SPECC1L: variants seen among roughly 807,000 people sequenced by gnomAD.
SPECC1L encodes sperm antigen with calponin homology and coiled-coil domains 1 like.
In SPECC1L, 40 loss-of-function variants were observed where a neutral mutation model predicts 116.8. That is an observed-to-expected ratio of 0.34 (90% confidence interval 0.27 to 0.45). The LOEUF (loss-of-function observed/expected upper bound fraction) is 0.45. Among genes scored for constraint, SPECC1L ranks in the 20% least tolerant of loss-of-function variants. SPECC1L has a pLI of 1.00. For synonymous variants in SPECC1L, 504 were observed against 500.6 expected (o/e 1.01, Z -0.09); for missense variants, 1,110 against 1,373.6 (o/e 0.81, Z 3.03).
intron 11 of SPECC1L, among the ~76,000 whole-genome samples, chr22:24,357,571 T>A (rs1381455396): frequency 6.6e-6 from 1 of 152,222 alleles, no homozygotes; most frequent in Non-Finnish European, 1.5e-5. Flanking sequence ...AAGCTAGACA[T>A]CTTACATGGA....
chr22:24,349,853 A>G (rs1182759512), intron 11 of SPECC1L, among the ~76,000 whole-genome samples: 1 of 152,124 alleles, frequency 6.6e-6, no homozygotes, highest in Non-Finnish European at 1.5e-5. Flanking sequence ...AAGATTCCTA[A>G]TCACCCTCAG....
chr22:24,411,467 C>G, intron 14 of SPECC1L, 121 bp from the exon 15 acceptor site: 1 of 882,032 alleles, frequency 1.1e-6, no homozygotes, highest in South Asian at 1.3e-5. Flanking sequence ...GCCGCCCTGC[C>G]CTGGTTTTGG....
intron 11 of SPECC1L, among the ~76,000 whole-genome samples, chr22:24,353,432 GTTTT>G (rs1249226217): frequency 6.6e-6 from 1 of 151,830 alleles, no homozygotes; most frequent in Non-Finnish European, 1.5e-5. Flanking sequence ...AGTTTTTTTC[GTTTT>G]TTGTTTGTTT....
intron 10 of SPECC1L, among the ~76,000 whole-genome samples, chr22:24,341,551 A>G (rs2041177473): frequency 6.6e-6 from 1 of 152,206 alleles, no homozygotes; most frequent in Non-Finnish European, 1.5e-5. Context: ...TAAAAATAAG[A>G]TGCAGAAGGA....
At chr22:24,394,138 A>T (rs890943305) in intron 14 of SPECC1L, among the ~76,000 whole-genome samples, 1 of 152,172 alleles carries the variant, frequency 6.6e-6, no homozygotes, top group East Asian at 1.9e-4. Flanking sequence ...CAAAACTCCT[A>T]TGAACGTTCA....
chr22:24,388,310 C>G (rs913986681), intron 14 of SPECC1L, among the ~76,000 whole-genome samples: 1 of 146,538 alleles, frequency 6.8e-6, no homozygotes, highest in African/African-American at 2.5e-5. Flanking sequence ...TCAATTCCCA[C>G]CTATGAGTGA....
At chr22:24,357,867 A>G (rs1171362059) in intron 11 of SPECC1L, among the ~76,000 whole-genome samples, 2 of 152,164 alleles carry the variant, frequency 1.3e-5, no homozygotes, top group African/African-American at 4.8e-5. Context: ...ACCCTCTTAC[A>G]ATGCTTTCAG....
chr22:24,289,697 C>CT lies in SPECC1L; in HGVS notation c.-37-12483dup, dbSNP rs74338225. On this transcript the variant is annotated intron_variant, in intron 2 of 16. Coordinates refer to ENST00000314328, the MANE Select transcript of SPECC1L (RefSeq NM_015330.6). ...AGTTGGTATTACTGATAACTACCTC[C>CT]TTTTTTTTTTTTTTTAGCATCCTAT... is the stretch of plus-strand genomic sequence containing the variant. 6.5e-3 allele frequency among the ~76,000 whole-genome samples: 903 copies of CT among 139,784 alleles called. 4 individuals are homozygous for CT. Among genetic ancestry groups the CT allele is most frequent in the Middle Eastern group, 0.022 (6 of 276 alleles). 91.7% of individuals were successfully genotyped at this position (139,784 alleles called of 152,430 possible). A position where few individuals can be genotyped will look rare whatever the true frequency, so the allele number is the denominator to read the frequency against.
intron 2 of SPECC1L, among the ~76,000 whole-genome samples, chr22:24,286,433 C>T (rs2049044941): frequency 6.6e-6 from 1 of 152,122 alleles, no homozygotes; most frequent in African/African-American, 2.4e-5. Context: ...CAATACATTG[C>T]TCCTGAGATA....
chr22:24,353,116 A>G (rs1213401564), intron 11 of SPECC1L, among the ~76,000 whole-genome samples: 1 of 152,244 alleles, frequency 6.6e-6, no homozygotes, highest in Non-Finnish European at 1.5e-5. Context: ...CTACATAACT[A>G]TAGAACAGTT....
chr22:24,363,915 CGGTGGGGGTGGG>C (rs974001781), intron 12 of SPECC1L, among the ~76,000 whole-genome samples: 2 of 1,920 alleles, frequency 1.0e-3, no homozygotes, highest in African/African-American at 6.1e-3. Context: ...GTAAAGTGGG[CGGTGGGGGTGGG>C]GGTGGGGGTG....
intron 10 of SPECC1L, among the ~76,000 whole-genome samples, chr22:24,340,595 A>G (rs2041157551): frequency 1.3e-5 from 2 of 152,242 alleles, no homozygotes; most frequent in African/African-American, 4.8e-5. Flanking sequence ...CGTTTAATGT[A>G]TGAGGCATCA....
At chr22:24,340,690 C>CT (rs139586337) in intron 10 of SPECC1L, among the ~76,000 whole-genome samples, 147 of 152,252 alleles carry the variant, frequency 9.7e-4, no homozygotes, top group African/African-American at 3.4e-3. Flanking sequence ...CATTCAGTAG[C>CT]TTTTTAGTAC....
At chr22:24,343,057 G>A (rs2041211760) in intron 10 of SPECC1L, among the ~76,000 whole-genome samples, 1 of 152,076 alleles carries the variant, frequency 6.6e-6, no homozygotes, top group Non-Finnish European at 1.5e-5. Context: ...AGACAGGCAT[G>A]GTGGTGTGTG....
At chr22:24,284,800 A>G (rs1009461755) in intron 2 of SPECC1L, among the ~76,000 whole-genome samples, 2 of 152,212 alleles carry the variant, frequency 1.3e-5, no homozygotes, top group Non-Finnish European at 2.9e-5. Context: ...GCAACAGTTC[A>G]GAAAGAAGGA....
At chr22:24,413,597 C>A (rs979842006) in intron 16 of SPECC1L, among the ~76,000 whole-genome samples, 1 of 152,134 alleles carries the variant, frequency 6.6e-6, no homozygotes, top group Non-Finnish European at 1.5e-5. Flanking sequence ...CATCTAAATC[C>A]CTAGAAATGT....
At chr22:24,326,693 C>G (rs1179449475) in intron 6 of SPECC1L, among the ~76,000 whole-genome samples, 1 of 152,078 alleles carries the variant, frequency 6.6e-6, no homozygotes, top group Non-Finnish European at 1.5e-5. Flanking sequence ...TAGAAAAAAG[C>G]CTGGTACAAA....
intron 2 of SPECC1L, among the ~76,000 whole-genome samples, chr22:24,282,522 A>C (rs987227929): frequency 1.3e-5 from 2 of 152,196 alleles, no homozygotes; most frequent in Non-Finnish European, 2.9e-5. Context: ...AATCGTGGTA[A>C]AAGTGGATTT....
At chr22:24,343,890 A>G (rs1324018036) in intron 10 of SPECC1L, among the ~76,000 whole-genome samples, 1 of 152,228 alleles carries the variant, frequency 6.6e-6, no homozygotes, top group Non-Finnish European at 1.5e-5. Context: ...AAAGTGAATG[A>G]GGAGTATATG....
Sources: allele counts gnomAD v4.1 joint callset (sites outside exome capture counted in the v4.1 genomes callset), GRCh38; gene constraint gnomAD v4.1.1; transcripts MANE v1.5; gene names NCBI Gene and HGNC (gene_info 2026-07-23, HGNC 2026-07-21).